PDZD2: variants seen among roughly 807,000 people sequenced by gnomAD.
The protein encoded by PDZD2 is PDZ domain containing 2.
Under a neutral mutation model 220.7 loss-of-function variants are expected in PDZD2, and 90 were observed. The observed-to-expected ratio is 0.41, with a 90% CI of 0.34 to 0.49. The LOEUF (loss-of-function observed/expected upper bound fraction) is 0.49, where lower values mean the gene tolerates loss of function less well. Among genes scored for constraint, PDZD2 ranks in the 20% least tolerant of loss-of-function variants. PDZD2 has a pLI of 0.28. For synonymous variants in PDZD2, 1,375 were observed against 1,450.5 expected (o/e 0.95, Z 1.18); for missense variants, 3,174 against 3,608.5 (o/e 0.88, Z 3.08).
At chr5:31,900,510 GA>G (rs10711950) in intron 2 of PDZD2, among the ~76,000 whole-genome samples, 89,549 of 151,854 alleles carry the variant, frequency 0.59, 27,930 homozygotes, top group Middle Eastern at 0.73. Flanking sequence ...CTTAAGAAGG[GA>G]AAAGGGGTCA....
chr5:31,860,826 CTG>C (rs1239320255), intron 2 of PDZD2, among the ~76,000 whole-genome samples: 1 of 152,160 alleles, frequency 6.6e-6, no homozygotes, highest in Non-Finnish European at 1.5e-5. Flanking sequence ...AGGGTTCTGT[CTG>C]TGTGGATAAC....
At chr5:31,746,590 G>C (rs1474394082) in intron 1 of PDZD2, among the ~76,000 whole-genome samples, 1 of 152,160 alleles carries the variant, frequency 6.6e-6, no homozygotes, top group African/African-American at 2.4e-5. Flanking sequence ...AGAGTAAAAG[G>C]GGTGCTATTA....
intron 2 of PDZD2, among the ~76,000 whole-genome samples, chr5:31,974,912 G>A (rs1749608956): frequency 6.6e-6 from 1 of 152,146 alleles, no homozygotes; most frequent in South Asian, 2.1e-4. Context: ...CCGTGTCTCA[G>A]AAACAAACAA....
chr5:31,697,239 G>C (rs546521576), intron 1 of PDZD2, among the ~76,000 whole-genome samples: 5 of 152,306 alleles, frequency 3.3e-5, no homozygotes, highest in Non-Finnish European at 2.9e-5. Flanking sequence ...AAGGTGGGTG[G>C]ATCACCAGAG....
At chr5:31,978,714 C>A (rs77452088) in intron 2 of PDZD2, among the ~76,000 whole-genome samples, 16 of 128,022 alleles carry the variant, frequency 1.2e-4, no homozygotes, top group African/African-American at 2.2e-4. Flanking sequence ...GACTCCATCT[C>A]AAAAAAAAAA....
At chr5:31,900,254 T>C (rs760387632) in intron 2 of PDZD2, among the ~76,000 whole-genome samples, 7 of 152,216 alleles carry the variant, frequency 4.6e-5, no homozygotes, top group Non-Finnish European at 7.3e-5. Context: ...CTTTCCGTAG[T>C]CCTGGGGTTG....
In PDZD2 at chr5:31,983,173, C is replaced by T; in HGVS notation, c.495C>T (p.Cys165=). Residue 165 remains cysteine (C), a synonymous_variant, in exon 3 of 25, where the codon TGC becomes TGT. Coordinates refer to ENST00000438447, the MANE Select transcript of PDZD2 (RefSeq NM_178140.4). ...VSGASYLAEQ[C]WNGGFIYLIM... ...GTTGCAGTTACCTGGCTGAGCAGTG[C>T]TGGAATGGCGGCTTTATCTACCTGA... The T allele has an allele frequency of 6.2e-7, 1 of 1,613,624 alleles. No homozygotes were observed.
chr5:31,996,026 G>A (rs956977532), intron 4 of PDZD2, among the ~76,000 whole-genome samples: 2 of 152,106 alleles, frequency 1.3e-5, no homozygotes, highest in African/African-American at 4.8e-5. Flanking sequence ...GATGATATGA[G>A]GCTACTTATT....
chr5:32,068,213 A>T (rs1740398898), intron 14 of PDZD2, among the ~76,000 whole-genome samples: 1 of 152,180 alleles, frequency 6.6e-6, no homozygotes, highest in Non-Finnish European at 1.5e-5. Context: ...GAAGGTTTGG[A>T]TTGGCCTGGT....
intron 1 of PDZD2, among the ~76,000 whole-genome samples, chr5:31,756,178 C>A (rs1031842837): frequency 1.3e-5 from 2 of 152,118 alleles, no homozygotes; most frequent in African/African-American, 4.8e-5. Context: ...CCTCCAGGAC[C>A]CGGGGGTGCC....
chr5:32,088,389 G>C lies in PDZD2; in HGVS notation c.4941G>C (p.Glu1647Asp). ...GAGAGTCGGTGGCCAGTCCCCGTGA[G>C]AAGGCCGCCTGCTTGCCAGGCTCAT... Reference protein sequence around the residue: ...TPRESVASPREKAACLPGSYT... With the variant: ...TPRESVASPRDKAACLPGSYT... Residue 1647 changes from glutamate to aspartate, a missense_variant, in exon 20 of 25, where the codon GAG becomes GAC. This residue lies in a region of PDZD2 where 1,861 missense variants were observed against 2,001.0 expected (regional missense o/e 0.93). Transcript: ENST00000438447. This position sits in a 1 kb window ranked among gnomAD's most constrained non-coding sequence, Gnocchi z 4.6. 6.2e-7 allele frequency: 1 copy of C among 1,613,982 alleles called. No individual in the cohort carries two copies. The highest frequency in any genetic ancestry group is 8.5e-7 in the Non-Finnish European group (1 of 1,179,972).
intron 2 of PDZD2, among the ~76,000 whole-genome samples, chr5:31,961,784 T>C (rs1481439521): frequency 1.3e-5 from 2 of 152,138 alleles, no homozygotes; most frequent in African/African-American, 4.8e-5. Flanking sequence ...GCTGGGATTA[T>C]AGGCATCCAC....
intron 2 of PDZD2, among the ~76,000 whole-genome samples, chr5:31,937,683 C>T (rs1745878866): frequency 6.6e-6 from 1 of 152,340 alleles, no homozygotes; most frequent in East Asian, 1.9e-4. Context: ...ACGGCACCTC[C>T]TGTGGTCTTT....
intron 23 of PDZD2, 151 bp from the exon 24 acceptor site, chr5:32,100,954 G>A (rs755357776): frequency 1.9e-6 from 3 of 1,602,450 alleles, no homozygotes; most frequent in Non-Finnish European, 2.5e-6. Context: ...GGGCTCAAGT[G>A]CTGTTATAAG....
intron 1 of PDZD2, among the ~76,000 whole-genome samples, chr5:31,713,812 G>A (rs895909044): frequency 2.6e-5 from 4 of 152,144 alleles, no homozygotes; most frequent in Admixed American, 6.5e-5. Context: ...CTCCCAAAGC[G>A]CTGGGATTAC....
intron 2 of PDZD2, among the ~76,000 whole-genome samples, chr5:31,914,392 T>C (rs1211889116): frequency 6.6e-6 from 1 of 152,152 alleles, no homozygotes; most frequent in Non-Finnish European, 1.5e-5. Context: ...CAGCCAGGCA[T>C]GGTGGTGGGC....
intron 2 of PDZD2, among the ~76,000 whole-genome samples, chr5:31,966,916 A>G (rs1748810515): frequency 6.6e-6 from 1 of 152,202 alleles, no homozygotes; most frequent in African/African-American, 2.4e-5. Context: ...ATCTTCAAAA[A>G]TGCTCCGTAC....
Position 32,083,719 on chromosome 5 carries a change from C to G in PDZD2, c.3683-3412C>G, listed in dbSNP as rs1394265621. 3 of 152,198 alleles carry G rather than the reference C, an allele frequency of 2.0e-5. No homozygotes were observed. The highest frequency in any genetic ancestry group is 4.4e-5 in the Non-Finnish European group (3 of 68,044). The allele number at this position is 152,198 out of a possible 1,614,324, so 9.4% of individuals were successfully genotyped here. On this transcript the variant is annotated intron_variant, in intron 19 of 24. Transcript: ENST00000438447. The surrounding 1 kb of genome is among the most constrained non-coding windows in gnomAD (Gnocchi z 4.1). ...ACGGATTCTTGCTCTGTCGCTCAGG[C>G]TGGATGGAGTACAGTGGCTCGATCT...
chr5:31,649,827 A>T (rs544629418), intron 1 of PDZD2, among the ~76,000 whole-genome samples: 81 of 150,170 alleles, frequency 5.4e-4, no homozygotes, highest in African/African-American at 2.0e-3. Flanking sequence ...AGTCCCAGCT[A>T]CTCAGGAGGC....
Sources: gnomAD v4.1 joint callset for allele counts (sites outside exome capture counted in the v4.1 genomes callset) on GRCh38, gnomAD v4.1.1 for gene constraint, gnomAD v4.1.1 regional missense constraint, Gnocchi (gnomAD v3.1) non-coding constraint, MANE v1.5 for transcripts, NCBI Gene and HGNC (gene_info 2026-07-23, HGNC 2026-07-21) for gene names.